The following TTC9C variants were observed in gnomAD, a reference collection of about 807,000 sequenced individuals.
The protein encoded by TTC9C is tetratricopeptide repeat protein 9C.
Under a neutral mutation model 22.5 loss-of-function variants are expected in TTC9C, and 15 were observed. The observed-to-expected ratio is 0.67, with a 90% confidence interval of 0.45 to 1.03. TTC9C has a LOEUF of 1.03. TTC9C is among the 50% of genes least tolerant of loss of function. TTC9C has a pLI of 0.00. For synonymous variants in TTC9C, 92 were observed against 86.8 expected (o/e 1.06, Z -0.33); for missense variants, 244 against 214.6 (o/e 1.14, Z -0.86).
chr11:62,731,694 CT>C (rs201275660), intron 1 of TTC9C, among the ~76,000 whole-genome samples: 5,636 of 144,436 alleles, frequency 0.039, 322 homozygotes, highest in African/African-American at 0.13. Context: ...TCTTAAAGCA[CT>C]TTTTTTTTTT....
chr11:62,730,333 G>T (rs760597350), intron 1 of TTC9C, among the ~76,000 whole-genome samples: 1 of 150,700 alleles, frequency 6.6e-6, no homozygotes, highest in Admixed American at 6.6e-5. Context: ...CCTCGGCCTC[G>T]CAAAGTGCTG....
At chr11:62,734,308 A>G (rs886224898) in intron 1 of TTC9C, among the ~76,000 whole-genome samples, 8 of 151,986 alleles carry the variant, frequency 5.3e-5, no homozygotes, top group African/African-American at 1.9e-4. Flanking sequence ...AAAAAAAAAA[A>G]TAGGGTCTCA....
At chr11:62,729,169 C>CTTTT (rs34615969) in intron 1 of TTC9C, 83 bp downstream of exon 1, 6 of 937,202 alleles carry the variant, frequency 6.4e-6, no homozygotes, top group Non-Finnish European at 9.5e-6. Context: ...AAAACGCTGA[C>CTTTT]TTTTTTTTTT....
chr11:62,736,934 A>T (rs193257116), intron 2 of TTC9C, among the ~76,000 whole-genome samples: 1 of 151,422 alleles, frequency 6.6e-6, no homozygotes, highest in African/African-American at 2.4e-5. Flanking sequence ...ATGGTGGCTT[A>T]TGCCTGTAAT....
At chr11:62,731,455 G>A (rs2083848404) in intron 1 of TTC9C, among the ~76,000 whole-genome samples, 1 of 152,052 alleles carries the variant, frequency 6.6e-6, no homozygotes. Flanking sequence ...AAATTAGCCA[G>A]GCATGGTTGT....
intron 1 of TTC9C, 110 bp downstream of exon 1, chr11:62,729,196 T>G: frequency 2.2e-6 from 2 of 916,368 alleles, no homozygotes; most frequent in South Asian, 1.7e-5. Flanking sequence ...TGTCATCCAT[T>G]TATTCTGCCA....
At chr11:62,730,790 C>G (rs1407987574) in intron 1 of TTC9C, among the ~76,000 whole-genome samples, 1 of 151,646 alleles carries the variant, frequency 6.6e-6, no homozygotes, top group Non-Finnish European at 1.5e-5. Context: ...TCAGACTGGT[C>G]TCAAACTCCC....
chr11:62,735,569 G>T lies in TTC9C; in HGVS notation c.421+5G>T, dbSNP rs752529356. The T allele has an allele frequency of 2.5e-6, 4 of 1,596,020 alleles. No homozygotes were observed. Among genetic ancestry groups the T allele is most frequent in the Non-Finnish European group, 3.4e-6 (4 of 1,168,852 alleles). Reference sequence around the variant, plus strand: ...CCGTGAATAGGCAGCCTAAAGGTAAGCAAGAAGGGCTTTGAAATGGTAAAG... The same window carrying T: ...CCGTGAATAGGCAGCCTAAAGGTAATCAAGAAGGGCTTTGAAATGGTAAAG... On this transcript the variant is annotated splice_donor_5th_base_variant and intron_variant, in intron 2 of 2. Transcript: ENST00000316461.
intron 1 of TTC9C, among the ~76,000 whole-genome samples, chr11:62,734,786 T>C (rs549825067): frequency 1.2e-4 from 19 of 152,158 alleles, no homozygotes; most frequent in African/African-American, 4.6e-4. Context: ...TCAGCCGAGT[T>C]TTAAATAAAT....
chr11:62,734,407 C>G (rs1246844915), intron 1 of TTC9C, among the ~76,000 whole-genome samples: 1 of 151,816 alleles, frequency 6.6e-6, no homozygotes, highest in Non-Finnish European at 1.5e-5. Context: ...TGAGAACAGC[C>G]TGGCCAACAT....
chr11:62,731,572 G>C (rs7935794), intron 1 of TTC9C, among the ~76,000 whole-genome samples: 6,385 of 152,204 alleles, frequency 0.042, 186 homozygotes, highest in Middle Eastern at 0.075. Context: ...CCTCCAGCCT[G>C]GGTGACAGAG....
At chr11:62,729,116 A>G (rs370250321) in intron 1 of TTC9C, 30 bp downstream of exon 1, 1 of 1,593,796 alleles carries the variant, frequency 6.3e-7, no homozygotes, top group Non-Finnish European at 8.6e-7. Flanking sequence ...GTGGCTAGAG[A>G]GCATTAAGAC....
intron 1 of TTC9C, among the ~76,000 whole-genome samples, chr11:62,730,131 A>G (rs559824038): frequency 1.3e-5 from 2 of 152,180 alleles, no homozygotes; most frequent in South Asian, 4.1e-4. Context: ...GCTGGGGTGC[A>G]ATGGCACGAT....
In TTC9C at chr11:62,728,611, C is replaced by G. The variant is rs1313259685; in HGVS notation, c.-238C>G. The G allele has an allele frequency of 1.5e-6, 1 of 649,576 alleles. No homozygotes were observed. The highest frequency in any genetic ancestry group is 2.8e-6 in the Non-Finnish European group (1 of 351,406). The allele number at this position is 649,576 out of a possible 1,614,324, so 40.2% of individuals were successfully genotyped here. On this transcript the variant is annotated 5_prime_UTR_variant, in exon 1 of 3. Coordinates refer to ENST00000316461, the MANE Select transcript of TTC9C (RefSeq NM_173810.4). The stretch of plus-strand genomic sequence containing the variant: ...TCACTTAATGTTGGGCTTCATTATT[C>G]CCACATCCCTTTCCTTACTACTTGC...
Position 62,729,105 on chromosome 11 carries a change from G to C in TTC9C, c.238+19G>C. ...CTAGCTGGTAAGAACGGGGCTAAAG[G>C]GTGGCTAGAGAGCATTAAGACAGGA... On this transcript the variant is annotated intron_variant, in intron 1 of 2. Coordinates refer to ENST00000316461, the MANE Select transcript of TTC9C (RefSeq NM_173810.4). The C allele has an allele frequency of 6.2e-7, 1 of 1,604,936 alleles. No homozygotes were observed. The highest frequency in any genetic ancestry group is 8.5e-7 in the Non-Finnish European group (1 of 1,172,178).
intron 1 of TTC9C, among the ~76,000 whole-genome samples, chr11:62,730,165 T>C (rs1330091003): frequency 2.0e-5 from 3 of 152,150 alleles, no homozygotes; most frequent in African/African-American, 4.8e-5. Context: ...AACCTCCTCC[T>C]CCCGGGTTCA....
chr11:62,735,114 G>A lies in TTC9C; in HGVS notation c.239-268G>A, dbSNP rs7127276. 3.1e-3 allele frequency among the ~76,000 whole-genome samples: 474 copies of A among 152,022 alleles called. 2 individuals are homozygous for A. Among genetic ancestry groups the A allele is most frequent in the African/African-American group, 0.011 (460 of 41,458 alleles). ...TTCTCCATGTTGTCAGGCTGATCTC[G>A]AACTCCCGACCTCAGGTGATCCACC... On this transcript the variant is annotated intron_variant, in intron 1 of 2. Transcript: ENST00000316461.
chr11:62,729,037 A>G lies in TTC9C; in HGVS notation c.189A>G (p.Gln63=), dbSNP rs766968002. 8.1e-6 allele frequency: 13 copies of G among 1,614,068 alleles called. No individual in the cohort carries two copies. Among genetic ancestry groups the G allele is most frequent in the South Asian group, 5.5e-5 (5 of 91,090 alleles). ...GPQGPALTPE[Q]ENILHTTQTD... ...AGGGCCCGGCCCTCACGCCTGAACAAGAAAACATATTGCATACCACCCAGA... is the reference window on the plus strand; with the variant it reads ...AGGGCCCGGCCCTCACGCCTGAACAGGAAAACATATTGCATACCACCCAGA... Residue 63 remains glutamine (Q), a synonymous_variant, in exon 1 of 3, where the codon CAA becomes CAG. Transcript: ENST00000316461.
chr11:62,735,266 A>G, intron 1 of TTC9C, 116 bp from the exon 2 acceptor site: 1 of 1,363,568 alleles, frequency 7.3e-7, no homozygotes, highest in Non-Finnish European at 9.9e-7. Flanking sequence ...GAGACACTTT[A>G]GCATTTGTTG....
Sources: gnomAD v4.1 joint callset for allele counts (sites outside exome capture counted in the v4.1 genomes callset) on GRCh38, gnomAD v4.1.1 for gene constraint, MANE v1.5 for transcripts, NCBI Gene and HGNC (gene_info 2026-07-23, HGNC 2026-07-21) for gene names.